The following HMGB1 variants were observed in gnomAD, a reference collection of about 807,000 sequenced individuals.
The protein encoded by HMGB1 is high mobility group box 1, also known as high mobility group protein B1.
For synonymous variants in HMGB1, 81 were observed against 84.0 expected, an observed-to-expected ratio of 0.96 and a Z score of 0.19; for missense variants, 79 against 253.5, an observed-to-expected ratio of 0.31 and a Z score of 4.67.
chr13:30,500,026 C>A (rs1887698958), intron 1 of HMGB1, among the ~76,000 whole-genome samples: 1 of 152,016 alleles, frequency 6.6e-6, no homozygotes, highest in Non-Finnish European at 1.5e-5. Context: ...AGGGTAGAGC[C>A]CTCAGGTATA....
intron 1 of HMGB1, among the ~76,000 whole-genome samples, chr13:30,537,652 C>CGTATAT (rs1555238610): frequency 1.5e-5 from 1 of 68,004 alleles, no homozygotes; most frequent in African/African-American, 3.7e-5. Context: ...CATTCTTGTT[C>CGTATAT]ATATATATAT....
At chr13:30,477,171 G>C (rs1292199792) in intron 1 of HMGB1, among the ~76,000 whole-genome samples, 1 of 152,138 alleles carries the variant, frequency 6.6e-6, no homozygotes, top group Non-Finnish European at 1.5e-5. Flanking sequence ...GAAATGCACA[G>C]TTCACATTCT....
intron 1 of HMGB1, among the ~76,000 whole-genome samples, chr13:30,588,251 C>T (rs181535161): frequency 3.5e-4 from 54 of 152,150 alleles, no homozygotes; most frequent in Non-Finnish European, 5.4e-4. Flanking sequence ...ATTATACATA[C>T]GCACTAAAGC....
chr13:30,517,983 A>C (rs1888137847), intron 1 of HMGB1, among the ~76,000 whole-genome samples: 1 of 152,182 alleles, frequency 6.6e-6, no homozygotes, highest in South Asian at 2.1e-4. Flanking sequence ...AGAGCTGGCC[A>C]AGTTGACTGT....
At chr13:30,464,216 G>A (rs996816803) in intron 1 of HMGB1, 2 of 985,312 alleles carry the variant, frequency 2.0e-6, no homozygotes, top group African/African-American at 1.7e-5. Flanking sequence ...GCTCCAAAGA[G>A]GGAGCAGCAG....
Position 30,586,497 on chromosome 13 carries a change from T to G in HMGB1, c.-15+30174A>C, listed in dbSNP as rs1241417391. On this transcript the variant is annotated intron_variant, in intron 1 of 4. Transcript: ENST00000405805. Reference sequence around the variant, plus strand: ...TTTTTTTGTTTTTTTTTTTTTTTTTTTTTTTTTTGAGATGGAGTTTCGCTC... The same window carrying G: ...TTTTTTTGTTTTTTTTTTTTTTTTTGTTTTTTTTGAGATGGAGTTTCGCTC... Among the ~76,000 whole-genome samples, 795 of 145,326 alleles carry G rather than the reference T, an allele frequency of 5.5e-3. 7 individuals are homozygous for G. Among genetic ancestry groups the G allele is most frequent in the African/African-American group, 0.015 (588 of 40,192 alleles).
chr13:30,585,850 T>C (rs1871122229), intron 1 of HMGB1, among the ~76,000 whole-genome samples: 2 of 152,094 alleles, frequency 1.3e-5, no homozygotes, highest in Admixed American at 1.3e-4. Context: ...GGGAAAAAAC[T>C]GTCCTGTCAC....
At chr13:30,578,966 G>A (rs923969973) in intron 1 of HMGB1, among the ~76,000 whole-genome samples, 2 of 152,170 alleles carry the variant, frequency 1.3e-5, no homozygotes, top group African/African-American at 4.8e-5. Flanking sequence ...TCAGCTGCTT[G>A]CTCCTGTTTC....
intron 1 of HMGB1, chr13:30,464,683 A>G: frequency 3.1e-6 from 3 of 965,724 alleles, no homozygotes; most frequent in Non-Finnish European, 2.5e-6. Flanking sequence ...CGCGCACGGA[A>G]TGGCCGCTGC....
At chr13:30,503,301 G>A (rs192608841) in intron 1 of HMGB1, among the ~76,000 whole-genome samples, 4 of 151,850 alleles carry the variant, frequency 2.6e-5, no homozygotes, top group African/African-American at 9.7e-5. Flanking sequence ...CCGAGATCGC[G>A]CCACTGCACT....
intron 1 of HMGB1, among the ~76,000 whole-genome samples, chr13:30,534,877 A>G (rs1347025754): frequency 2.0e-5 from 3 of 152,072 alleles, no homozygotes; most frequent in Admixed American, 2.0e-4. Flanking sequence ...ATGCCCAGCC[A>G]GTTCAAGCTG....
intron 1 of HMGB1, among the ~76,000 whole-genome samples, chr13:30,567,239 C>T (rs1463874662): frequency 6.6e-6 from 1 of 152,090 alleles, no homozygotes; most frequent in African/African-American, 2.4e-5. Flanking sequence ...CTTTTTCAGC[C>T]CCTGTAGTCA....
chr13:30,484,020 G>A (rs1427869825), intron 1 of HMGB1, among the ~76,000 whole-genome samples: 3 of 152,196 alleles, frequency 2.0e-5, no homozygotes, highest in Non-Finnish European at 4.4e-5. Context: ...GAGGTCCTGG[G>A]ATGGTCATGC....
At position 30,605,194 on chromosome 13, in the gene HMGB1, T is replaced by G. The variant is rs534260344; in HGVS notation, c.-15+11477A>C. Among the ~76,000 whole-genome samples the G allele has an allele frequency of 2.6e-5, 4 of 152,308 alleles. No homozygotes were observed. In the South Asian group the frequency reaches 8.3e-4, roughly 32 times the overall value. ...GTGCTCAGTTCTGGATATATTAAAC[T>G]TGGAATGCCTATTTGGCACCAAGTG... On this transcript the variant is annotated intron_variant, in intron 1 of 4. Transcript: ENST00000405805.
intron 1 of HMGB1, among the ~76,000 whole-genome samples, chr13:30,613,551 T>C (rs1244049085): frequency 6.6e-6 from 1 of 152,236 alleles, no homozygotes; most frequent in East Asian, 1.9e-4. Context: ...AGTGGCATGA[T>C]TTTAGTGTTT....
At position 30,518,072 on chromosome 13, in the gene HMGB1, T is replaced by C. The variant is rs143766818; in HGVS notation, c.-14-54378A>G. On this transcript the variant is annotated intron_variant, in intron 1 of 4. Coordinates refer to the HMGB1 transcript ENST00000405805. ...CTGGCTGGGTGTGGTGGCTCACGCC[T>C]GTAATCCGAACACTTATGGGAGGCT... is the stretch of plus-strand genomic sequence containing the variant. 2.7e-3 allele frequency among the ~76,000 whole-genome samples: 410 copies of C among 152,196 alleles called. 3 individuals are homozygous for C. Among genetic ancestry groups the C allele is most frequent in the African/African-American group, 9.4e-3 (392 of 41,520 alleles).
upstream of HMGB1, among the ~76,000 whole-genome samples, chr13:30,470,682 T>G (rs570431633): frequency 6.6e-4 from 101 of 152,314 alleles, 1 homozygote; most frequent in Admixed American, 1.4e-3. Flanking sequence ...GGAGTCTCAC[T>G]CAGTCGTCCA....
At chr13:30,576,591 T>C (rs1225045143) in intron 1 of HMGB1, among the ~76,000 whole-genome samples, 2 of 151,830 alleles carry the variant, frequency 1.3e-5, no homozygotes, top group African/African-American at 4.8e-5. Context: ...TTGGCAGTCC[T>C]ACATGTCTTC....
At chr13:30,616,966 C>G (rs1282772054) in exon 1 of HMGB1, 1 of 152,246 alleles carries the variant, frequency 6.6e-6, no homozygotes, top group Non-Finnish European at 1.5e-5. Flanking sequence ...AAAAGGACTT[C>G]TGGAATATGC....
Sources: gnomAD v4.1 joint callset for allele counts (sites outside exome capture counted in the v4.1 genomes callset) on GRCh38, gnomAD v4.1.1 for gene constraint, MANE v1.5 for transcripts, NCBI Gene and HGNC (gene_info 2026-07-23, HGNC 2026-07-21) for gene names.